CHSY1: variants seen among roughly 807,000 people sequenced by gnomAD.
CHSY1 encodes the protein N-acetylgalactosaminyl-proteoglycan 3-beta-glucuronosyltransferase 1.
CHSY1 carries 13 observed loss-of-function variants against 59.8 expected under a neutral mutation model. The ratio of observed to expected loss-of-function variants is 0.22; its 90% CI spans 0.14 to 0.35. CHSY1 has a LOEUF of 0.35. Among genes scored for constraint, CHSY1 ranks in the 10% least tolerant of loss-of-function variants. The pLI is 1.00. For synonymous variants in CHSY1, 459 were observed against 401.2 expected, an observed-to-expected ratio of 1.14 and a Z score of -1.72; for missense variants, 947 against 1,030.6, an observed-to-expected ratio of 0.92 and a Z score of 1.11.
intron 2 of CHSY1, among the ~76,000 whole-genome samples, chr15:101,183,773 T>C (rs1300984057): frequency 2.6e-5 from 4 of 152,204 alleles, no homozygotes; most frequent in African/African-American, 7.2e-5. Context: ...AGCTCAGTGC[T>C]TGACACATCG....
intron 2 of CHSY1, among the ~76,000 whole-genome samples, chr15:101,205,964 A>C (rs1186564944): frequency 6.6e-6 from 1 of 151,982 alleles, no homozygotes; most frequent in Non-Finnish European, 1.5e-5. Context: ...AAAAAAAAAA[A>C]GAAGATTGTT....
chr15:101,178,358 A>G lies in CHSY1; in HGVS notation c.1439T>C (p.Ile480Thr). The G allele has an allele frequency of 6.2e-7, 1 of 1,607,902 alleles. No individual in the cohort carries two copies. Among genetic ancestry groups the G allele is most frequent in the Middle Eastern group, 1.7e-4 (1 of 6,048 alleles). ...HAYLQQTFSK[I>T]QFVEHEELDA... ...CAGCTCCTCATGCTCCACAAACTGG[A>G]TTTTGCTGAAAGTCTGCTGTAAATA... Residue 480 changes from isoleucine to threonine, a missense_variant, in exon 3 of 3, where the codon ATC becomes ACC. Coordinates refer to ENST00000254190, the MANE Select transcript of CHSY1 (RefSeq NM_014918.5).
chr15:101,237,526 T>C (rs1170477986), intron 1 of CHSY1, among the ~76,000 whole-genome samples: 3 of 152,006 alleles, frequency 2.0e-5, no homozygotes, highest in Admixed American at 6.6e-5. Flanking sequence ...GGAAACCACA[T>C]AAAGGGTTTA....
intron 2 of CHSY1, among the ~76,000 whole-genome samples, chr15:101,201,108 G>A (rs929777731): frequency 1.3e-5 from 2 of 152,086 alleles, no homozygotes; most frequent in Non-Finnish European, 2.9e-5. Context: ...CTATAGGTGG[G>A]GGCGGTGCGG....
chr15:101,181,838 T>C lies in CHSY1; in HGVS notation c.817-2858A>G, dbSNP rs138799488. On this transcript the variant is annotated intron_variant, in intron 2 of 2. Transcript: ENST00000254190. ...GCAGTCAAAAACCCATGTATGAGTT[T>C]TGACTCCTAAAAAACTTAACTACTA... 3.2e-4 allele frequency among the ~76,000 whole-genome samples: 49 copies of C among 152,336 alleles called. 1 individual carries two copies. In the East Asian group the frequency reaches 7.5e-3, roughly 23 times the overall value.
intron 2 of CHSY1, among the ~76,000 whole-genome samples, chr15:101,197,320 G>C (rs1305882924): frequency 6.6e-6 from 1 of 152,150 alleles, no homozygotes; most frequent in Non-Finnish European, 1.5e-5. Flanking sequence ...GTTAAGCTTT[G>C]GTAACTAATC....
At chr15:101,241,656 T>C (rs1253333571) in intron 1 of CHSY1, among the ~76,000 whole-genome samples, 1 of 152,190 alleles carries the variant, frequency 6.6e-6, no homozygotes, top group Non-Finnish European at 1.5e-5. Flanking sequence ...ATTAAAAAGG[T>C]GGGGAGATTT....
At chr15:101,179,337 C>A (rs1416199863) in intron 2 of CHSY1, among the ~76,000 whole-genome samples, 1 of 152,216 alleles carries the variant, frequency 6.6e-6, no homozygotes, top group Non-Finnish European at 1.5e-5. Flanking sequence ...AAGGGACCCA[C>A]AGAGTCATGC....
chr15:101,183,698 C>A (rs1363875201), intron 2 of CHSY1, among the ~76,000 whole-genome samples: 2 of 152,252 alleles, frequency 1.3e-5, no homozygotes, highest in Admixed American at 1.3e-4. Context: ...AGCCCTGCAG[C>A]AGCTGCGGGA....
At chr15:101,191,074 C>T (rs975170053) in intron 2 of CHSY1, among the ~76,000 whole-genome samples, 1 of 152,122 alleles carries the variant, frequency 6.6e-6, no homozygotes, top group Admixed American at 6.6e-5. Flanking sequence ...TGGTATTTAC[C>T]CAAAAGAGCT....
chr15:101,191,221 T>C (rs891227788), intron 2 of CHSY1, among the ~76,000 whole-genome samples: 3 of 152,226 alleles, frequency 2.0e-5, no homozygotes, highest in African/African-American at 4.8e-5. Flanking sequence ...GATAATGGAA[T>C]ACTATTCAGC....
intron 1 of CHSY1, 102 bp from the exon 2 acceptor site, chr15:101,235,679 G>C: frequency 1.5e-6 from 2 of 1,320,412 alleles, no homozygotes; most frequent in South Asian, 1.2e-5. Flanking sequence ...TCAATGGAAT[G>C]ATAAAAAGCT....
intron 2 of CHSY1, among the ~76,000 whole-genome samples, chr15:101,200,605 G>T (rs546509957): frequency 6.6e-6 from 1 of 152,274 alleles, no homozygotes; most frequent in African/African-American, 2.4e-5. Context: ...CCCCCAGATG[G>T]GTCAGGGACC....
At chr15:101,220,890 A>T (rs1231207229) in intron 2 of CHSY1, among the ~76,000 whole-genome samples, 1 of 151,502 alleles carries the variant, frequency 6.6e-6, no homozygotes, top group East Asian at 1.9e-4. Context: ...TTTGCCTCTC[A>T]CTCTCTCAGC....
intron 2 of CHSY1, among the ~76,000 whole-genome samples, chr15:101,198,796 G>A (rs185159219): frequency 1.3e-5 from 2 of 152,194 alleles, no homozygotes; most frequent in Non-Finnish European, 2.9e-5. Flanking sequence ...ACTCACTTTT[G>A]TTACTGTCTA....
At chr15:101,179,103 G>GA (rs1310548830) in intron 2 of CHSY1, 123 bp from the exon 3 acceptor site, 10 of 888,056 alleles carry the variant, frequency 1.1e-5, no homozygotes, top group Non-Finnish European at 1.8e-5. Context: ...AAAGGCCCTA[G>GA]ATAAGGCCCG....
chr15:101,203,467 T>C (rs1044413924), intron 2 of CHSY1, among the ~76,000 whole-genome samples: 5 of 152,192 alleles, frequency 3.3e-5, no homozygotes, highest in Admixed American at 3.3e-4. Flanking sequence ...AACAATATCA[T>C]CATTTGACAA....
chr15:101,197,965 C>T (rs1469895062), intron 2 of CHSY1, among the ~76,000 whole-genome samples: 1 of 152,170 alleles, frequency 6.6e-6, no homozygotes, highest in African/African-American at 2.4e-5. Context: ...TGGGGACTCA[C>T]TTTGGGATGT....
intron 1 of CHSY1, among the ~76,000 whole-genome samples, chr15:101,249,837 A>T (rs2039089250): frequency 6.6e-6 from 1 of 152,142 alleles, no homozygotes; most frequent in Non-Finnish European, 1.5e-5. Flanking sequence ...TATTTACAAT[A>T]CCTGCATTCT....
Sources: gnomAD v4.1 joint callset for allele counts (sites outside exome capture counted in the v4.1 genomes callset) on GRCh38, gnomAD v4.1.1 for gene constraint, MANE v1.5 for transcripts, NCBI Gene and HGNC (gene_info 2026-07-23, HGNC 2026-07-21) for gene names.